Variants in HCN1 observed in about 807,000 individuals in gnomAD.
HCN1 encodes the protein potassium/sodium hyperpolarization-activated cyclic nucleotide-gated channel 1.
Under a neutral mutation model 78.9 loss-of-function variants are expected in HCN1, and 13 were observed. The observed-to-expected ratio is 0.16, with a 90% CI of 0.11 to 0.26. The LOEUF (loss-of-function observed/expected upper bound fraction) is 0.26. Among genes scored for constraint, HCN1 ranks in the 10% least tolerant of loss-of-function variants. The pLI, the probability that HCN1 is intolerant of heterozygous loss-of-function variation, is 1.00. For missense variants in HCN1, 810 were observed against 1,154.3 expected (o/e 0.70, Z 4.32); for synonymous variants, 552 against 455.5 (o/e 1.21, Z -2.70).
At chr5:45,321,817 T>G (rs1210281009) in intron 5 of HCN1, among the ~76,000 whole-genome samples, 2 of 151,892 alleles carry the variant, frequency 1.3e-5, no homozygotes, top group East Asian at 1.9e-4. Flanking sequence ...TTGCATATGA[T>G]TCAATTTTTG....
At chr5:45,565,001 T>C (rs1285786414) in intron 2 of HCN1, among the ~76,000 whole-genome samples, 1 of 152,196 alleles carries the variant, frequency 6.6e-6, no homozygotes, top group African/African-American at 2.4e-5. Context: ...GAAGAATCTT[T>C]GTGTTTTTGT....
intron 4 of HCN1, among the ~76,000 whole-genome samples, chr5:45,357,034 AT>A (rs1009329106): frequency 6.6e-6 from 1 of 151,484 alleles, no homozygotes; most frequent in African/African-American, 2.4e-5. Context: ...ATTTAGTATT[AT>A]TTTTTTTCTA....
intron 3 of HCN1, among the ~76,000 whole-genome samples, chr5:45,439,813 T>A (rs1740636044): frequency 6.6e-6 from 1 of 151,846 alleles, no homozygotes; most frequent in Non-Finnish European, 1.5e-5. Flanking sequence ...GAAGACAAAC[T>A]TCCTGGAACA....
At chr5:45,633,405 C>T (rs963135689) in intron 2 of HCN1, among the ~76,000 whole-genome samples, 7 of 151,794 alleles carry the variant, frequency 4.6e-5, no homozygotes, top group African/African-American at 1.7e-4. Context: ...AATCATCTGG[C>T]CAAAACATCA....
intron 2 of HCN1, among the ~76,000 whole-genome samples, chr5:45,587,905 G>A (rs1744269179): frequency 6.6e-6 from 1 of 151,992 alleles, no homozygotes; most frequent in South Asian, 2.1e-4. Context: ...CCTTATTAAT[G>A]AGGTCACAGA....
chr5:45,492,505 G>C (rs1206714133), intron 2 of HCN1, among the ~76,000 whole-genome samples: 8 of 138,308 alleles, frequency 5.8e-5, no homozygotes, highest in African/African-American at 2.2e-4. Flanking sequence ...GGCGTTACCA[G>C]CAACAGTTTT....
chr5:45,595,652 G>A (rs1744474937), intron 2 of HCN1, among the ~76,000 whole-genome samples: 1 of 151,972 alleles, frequency 6.6e-6, no homozygotes, highest in Admixed American at 6.6e-5. Context: ...TAGAGACTTT[G>A]AAATCCTGTG....
intron 3 of HCN1, among the ~76,000 whole-genome samples, chr5:45,447,186 G>A (rs1740817120): frequency 6.6e-6 from 1 of 152,294 alleles, no homozygotes; most frequent in African/African-American, 2.4e-5. Flanking sequence ...AAAGGATGGA[G>A]GAAGGTCTAC....
intron 1 of HCN1, among the ~76,000 whole-genome samples, chr5:45,694,589 G>A (rs1739969863): frequency 6.6e-6 from 1 of 152,114 alleles, no homozygotes; most frequent in Admixed American, 6.5e-5. Flanking sequence ...TACTCCTTTA[G>A]TTGATTCTTC....
chr5:45,608,124 T>C (rs549161422), intron 2 of HCN1, among the ~76,000 whole-genome samples: 42 of 152,032 alleles, frequency 2.8e-4, no homozygotes, highest in East Asian at 2.5e-3. Flanking sequence ...CTATTTAAAA[T>C]AAGAACTTCA....
intron 5 of HCN1, among the ~76,000 whole-genome samples, chr5:45,339,765 A>G (rs2111963213): frequency 6.6e-6 from 1 of 152,330 alleles, no homozygotes; most frequent in African/African-American, 2.4e-5. Flanking sequence ...AAAAAATATT[A>G]GTCACAATTT....
At chr5:45,335,893 A>G (rs1472350577) in intron 5 of HCN1, among the ~76,000 whole-genome samples, 2 of 152,070 alleles carry the variant, frequency 1.3e-5, no homozygotes, top group Non-Finnish European at 2.9e-5. Flanking sequence ...GCGGAGCTGG[A>G]TTTAAATGAG....
chr5:45,569,738 ATATAG>A (rs1212441947), intron 2 of HCN1, among the ~76,000 whole-genome samples: 1 of 152,042 alleles, frequency 6.6e-6, no homozygotes, highest in Non-Finnish European at 1.5e-5. Flanking sequence ...TAAAGTCTTA[ATATAG>A]TTTAAAGTTT....
chr5:45,624,588 GA>G (rs1745127347), intron 2 of HCN1, among the ~76,000 whole-genome samples: 1 of 151,560 alleles, frequency 6.6e-6, no homozygotes, highest in African/African-American at 2.4e-5. Flanking sequence ...GGTTTAACAG[GA>G]AAAAAAAGTG....
chr5:45,445,025 C>G (rs911627543), intron 3 of HCN1, among the ~76,000 whole-genome samples: 2 of 152,276 alleles, frequency 1.3e-5, no homozygotes, highest in African/African-American at 4.8e-5. Flanking sequence ...GAGTGCCAGA[C>G]AGTGGGCGCA....
At chr5:45,407,422 C>T (rs1274291750) in intron 3 of HCN1, among the ~76,000 whole-genome samples, 2 of 152,106 alleles carry the variant, frequency 1.3e-5, no homozygotes, top group Non-Finnish European at 2.9e-5. Context: ...TAGTATACTA[C>T]CTTTTTATTG....
intron 5 of HCN1, among the ~76,000 whole-genome samples, chr5:45,327,140 G>A (rs925686549): frequency 1.3e-5 from 2 of 151,556 alleles, no homozygotes; most frequent in Non-Finnish European, 3.0e-5. Context: ...AGCTCCAGTC[G>A]TCCATCTGTA....
chr5:45,286,433 A>C (rs1015025603), intron 6 of HCN1, among the ~76,000 whole-genome samples: 27 of 152,010 alleles, frequency 1.8e-4, no homozygotes, highest in African/African-American at 6.3e-4. Context: ...AGAACTTTTA[A>C]CATATTTCAA....
At chr5:45,559,238 T>C (rs572816486) in intron 2 of HCN1, 1 of 152,258 alleles carries the variant, frequency 6.6e-6, no homozygotes, top group Non-Finnish European at 1.5e-5. Context: ...TCATGACTGA[T>C]ATCAAGGCAT....
Sources: gnomAD v4.1 joint callset for allele counts (sites outside exome capture counted in the v4.1 genomes callset) on GRCh38, gnomAD v4.1.1 for gene constraint, MANE v1.5 for transcripts, NCBI Gene and HGNC (gene_info 2026-07-23, HGNC 2026-07-21) for gene names.